Variants in ADCY9 observed in about 807,000 individuals in gnomAD.
ADCY9 encodes the protein adenylate cyclase 9, also known as adenylate cyclase type 9.
A neutral mutation model predicts 101.5 loss-of-function variants in ADCY9; 50 were observed. That is an observed-to-expected ratio of 0.49 (90% CI 0.39 to 0.62). ADCY9 has a LOEUF of 0.62. Among genes scored for constraint, ADCY9 ranks in the 20% least tolerant of loss-of-function variants. ADCY9 has a pLI of 0.00. For missense variants in ADCY9, 1,662 were observed against 1,800.4 expected, an observed-to-expected ratio of 0.92 and a Z score of 1.39; for synonymous variants, 905 against 769.3, an observed-to-expected ratio of 1.18 and a Z score of -2.92.
intron 3 of ADCY9, among the ~76,000 whole-genome samples, chr16:4,003,334 C>A (rs970202103): frequency 6.6e-6 from 1 of 152,094 alleles, no homozygotes; most frequent in Non-Finnish European, 1.5e-5. Flanking sequence ...GACCGTCTCT[C>A]GGCCCCTCCC....
intron 2 of ADCY9, among the ~76,000 whole-genome samples, chr16:4,022,615 C>A (rs2255499): frequency 1.3e-5 from 2 of 151,664 alleles, no homozygotes; most frequent in Non-Finnish European, 2.9e-5. Flanking sequence ...TATGTGTATA[C>A]CTGCAGCAAT....
chr16:4,057,162 G>A (rs1298025100), intron 2 of ADCY9, among the ~76,000 whole-genome samples: 1 of 151,586 alleles, frequency 6.6e-6, no homozygotes, highest in Non-Finnish European at 1.5e-5. Flanking sequence ...TGTTTAAAGA[G>A]AAGCGTCTGG....
intron 2 of ADCY9, among the ~76,000 whole-genome samples, chr16:4,041,240 C>T (rs1054494008): frequency 3.9e-5 from 6 of 152,176 alleles, no homozygotes; most frequent in South Asian, 2.1e-4. Context: ...TGGTGGCTCA[C>T]GCCTGTAATC....
intron 2 of ADCY9, among the ~76,000 whole-genome samples, chr16:4,017,790 G>T (rs1475316403): frequency 6.6e-6 from 1 of 152,022 alleles, no homozygotes; most frequent in Non-Finnish European, 1.5e-5. Flanking sequence ...CAAAACAAAA[G>T]AAAATTTGAC....
chr16:4,075,573 G>A (rs542368438), intron 2 of ADCY9, among the ~76,000 whole-genome samples: 45 of 152,330 alleles, frequency 3.0e-4, no homozygotes, highest in African/African-American at 1.0e-3. Context: ...TCCCATGTGT[G>A]CAATCTGTCA....
chr16:3,966,486 C>A lies in ADCY9; in HGVS notation c.3351G>T (p.Ala1117=), dbSNP rs371159341. 3 of 1,614,114 alleles carry A rather than the reference C, an allele frequency of 1.9e-6. No individual in the cohort carries two copies. In the Admixed American group the frequency reaches 5.0e-5, roughly 27 times the overall value. The change falls in exon 11 of 11, where the codon GCG becomes GCT. Residue 1117 remains alanine, a synonymous_variant. Transcript: ENST00000294016. ...GGGCCTGCGCGGTGTTCAGCCCTGA[C>A]GCCGCCATGTACGTGGCTCCGATGG... is the stretch of plus-strand genomic sequence containing the variant. ...IKTIGATYMA[A]SGLNTAQAQD...
At chr16:4,065,357 T>C (rs2056794858) in intron 2 of ADCY9, among the ~76,000 whole-genome samples, 1 of 152,194 alleles carries the variant, frequency 6.6e-6, no homozygotes, top group Non-Finnish European at 1.5e-5. Context: ...CCTGTTTTCG[T>C]TTCCTTTCAA....
chr16:3,965,603 G>C lies in ADCY9; in HGVS notation c.*172C>G. On this transcript the variant is annotated 3_prime_UTR_variant, in exon 11 of 11. Coordinates refer to ENST00000294016, the MANE Select transcript of ADCY9 (RefSeq NM_001116.4). ...GGGAAGGGAGCGAAAGGGAAGAATG[G>C]ATGAAAATGAACCCTGAATAACTGT... The C allele has an allele frequency of 1.5e-6, 1 of 654,092 alleles. No individual in the cohort carries two copies. The highest frequency in any genetic ancestry group is 2.6e-6 in the Non-Finnish European group (1 of 386,128). The allele number at this position is 654,092 out of a possible 1,614,324, so 40.5% of individuals were successfully genotyped here.
intron 2 of ADCY9, among the ~76,000 whole-genome samples, chr16:4,094,256 G>T (rs903409476): frequency 6.6e-6 from 1 of 152,162 alleles, no homozygotes; most frequent in Admixed American, 6.6e-5. Context: ...TCCTCAGGAA[G>T]CACAGGACAG....
intron 10 of ADCY9, among the ~76,000 whole-genome samples, chr16:3,973,268 G>A (rs2056067722): frequency 6.6e-6 from 1 of 151,998 alleles, no homozygotes; most frequent in South Asian, 2.1e-4. Flanking sequence ...GAGTGCAGTG[G>A]CCGATCTTGG....
At chr16:4,080,287 AG>A (rs1453196534) in intron 2 of ADCY9, among the ~76,000 whole-genome samples, 6 of 152,188 alleles carry the variant, frequency 3.9e-5, no homozygotes, top group South Asian at 2.1e-4. Flanking sequence ...TCTGTTGCCC[AG>A]GCTCTAGTGC....
Position 4,115,872 on chromosome 16 carries a change from C to G in ADCY9, c.-226G>C, listed in dbSNP as rs2057148436. The stretch of plus-strand genomic sequence containing the variant: ...TTCAGACCTTGAGCGCTCCCAGCCC[C>G]GCGAGCCGCCTGCGCACAAACAACT... On this transcript the variant is annotated 5_prime_UTR_variant, in exon 1 of 11. Transcript: ENST00000294016. This position sits in a 1 kb window ranked among gnomAD's most constrained non-coding sequence, Gnocchi z 6.2. 5.1e-6 allele frequency: 2 copies of G among 395,340 alleles called. No individual in the cohort carries two copies. The highest frequency in any genetic ancestry group is 8.9e-6 in the Non-Finnish European group (2 of 224,090). 24.5% of individuals were successfully genotyped at this position (395,340 alleles called of 1,614,324 possible).
intron 2 of ADCY9, among the ~76,000 whole-genome samples, chr16:4,026,047 T>C (rs2056512498): frequency 6.6e-6 from 1 of 152,172 alleles, no homozygotes; most frequent in South Asian, 2.1e-4. Context: ...AACTATTTGT[T>C]GGGTGAATAT....
chr16:4,097,924 G>A (rs116865816), intron 2 of ADCY9, among the ~76,000 whole-genome samples: 400 of 151,948 alleles, frequency 2.6e-3, no homozygotes, highest in Middle Eastern at 6.8e-3. Flanking sequence ...TATTCCCAGC[G>A]CTAGGAACAC....
intron 3 of ADCY9, among the ~76,000 whole-genome samples, chr16:4,000,770 G>A (rs889031893): frequency 4.6e-5 from 7 of 152,022 alleles, no homozygotes; most frequent in Admixed American, 2.6e-4. Flanking sequence ...TGGTGATGGC[G>A]ATCCGAGTCA....
intron 2 of ADCY9, among the ~76,000 whole-genome samples, chr16:4,030,807 A>G (rs1374762054): frequency 1.3e-5 from 2 of 152,054 alleles, no homozygotes; most frequent in Non-Finnish European, 2.9e-5. Context: ...TTACCTTTAG[A>G]AGGAGGAAGT....
At chr16:4,039,352 A>T (rs1180413093) in intron 2 of ADCY9, among the ~76,000 whole-genome samples, 1 of 152,114 alleles carries the variant, frequency 6.6e-6, no homozygotes, top group Non-Finnish European at 1.5e-5. Context: ...TGTCTTTTTA[A>T]GTGTTCCAAC....
intron 2 of ADCY9, among the ~76,000 whole-genome samples, chr16:4,062,854 C>T (rs1350458521): frequency 6.6e-6 from 1 of 152,150 alleles, no homozygotes; most frequent in Non-Finnish European, 1.5e-5. Context: ...ATAAAGCAAA[C>T]ACTGACTGAA....
At chr16:4,067,127 G>C (rs1198788908) in intron 2 of ADCY9, among the ~76,000 whole-genome samples, 6 of 152,122 alleles carry the variant, frequency 3.9e-5, no homozygotes, top group Non-Finnish European at 4.4e-5. Context: ...ATCACAGAAT[G>C]GGGGGAGATG....
Sources: gnomAD v4.1 joint callset for allele counts (sites outside exome capture counted in the v4.1 genomes callset) on GRCh38, gnomAD v4.1.1 for gene constraint, Gnocchi (gnomAD v3.1) non-coding constraint, MANE v1.5 for transcripts, NCBI Gene and HGNC (gene_info 2026-07-23, HGNC 2026-07-21) for gene names.